BDKRB2: variants seen among roughly 807,000 people sequenced by gnomAD.
BDKRB2 encodes the protein B2 bradykinin receptor.
A neutral mutation model predicts 4.0 loss-of-function variants in BDKRB2; 6 were observed. That is an observed-to-expected ratio of 1.49 (90% confidence interval 0.81 to 2.93). The LOEUF (loss-of-function observed/expected upper bound fraction) is 2.93, where lower values mean the gene tolerates loss of function less well. Ranked by LOEUF, BDKRB2 falls within the 30% of genes most tolerant of loss-of-function variation. BDKRB2 has a pLI of 0.00. For synonymous variants in BDKRB2, 225 were observed against 215.3 expected (o/e 1.05, Z -0.40); for missense variants, 478 against 520.1 (o/e 0.92, Z 0.79).
intron 1 of BDKRB2, among the ~76,000 whole-genome samples, chr14:96,207,807 G>A (rs1026636152): frequency 6.6e-6 from 1 of 151,864 alleles, no homozygotes; most frequent in African/African-American, 2.4e-5. Flanking sequence ...AGATCTGCAT[G>A]TTGTTTTGAG....
At chr14:96,218,460 G>C (rs1284404930) in intron 1 of BDKRB2, among the ~76,000 whole-genome samples, 2 of 152,096 alleles carry the variant, frequency 1.3e-5, no homozygotes, top group Admixed American at 6.5e-5. Flanking sequence ...TGGAATTTGA[G>C]CCTGTTTTGC....
chr14:96,226,132 A>T (rs955685606), intron 1 of BDKRB2, among the ~76,000 whole-genome samples: 1 of 151,902 alleles, frequency 6.6e-6, no homozygotes, highest in Non-Finnish European at 1.5e-5. Flanking sequence ...GAGGGTTTCT[A>T]TTTTTTCCTG....
chr14:96,215,213 A>G (rs1035629092), intron 1 of BDKRB2, among the ~76,000 whole-genome samples: 2 of 152,200 alleles, frequency 1.3e-5, no homozygotes, highest in African/African-American at 4.8e-5. Context: ...ACTTTGTTGT[A>G]TGTACAATTT....
chr14:96,221,992 G>T (rs1200915478), intron 1 of BDKRB2, among the ~76,000 whole-genome samples: 11 of 152,092 alleles, frequency 7.2e-5, no homozygotes, highest in Admixed American at 6.5e-4. Flanking sequence ...TAAGAGCTCA[G>T]TCCCACAAGA....
chr14:96,239,079 G>A (rs1034438268), intron 2 of BDKRB2: 12 of 985,286 alleles, frequency 1.2e-5, no homozygotes, highest in South Asian at 9.4e-5. Flanking sequence ...TATCTCTCCC[G>A]TGACTCGTAG....
chr14:96,221,137 A>G (rs921141942), intron 1 of BDKRB2, among the ~76,000 whole-genome samples: 4 of 152,084 alleles, frequency 2.6e-5, no homozygotes, highest in Admixed American at 2.6e-4. Flanking sequence ...TTTTTATAAA[A>G]TTGGGATAGT....
At chr14:96,234,267 G>T (rs1890883839) in intron 1 of BDKRB2, among the ~76,000 whole-genome samples, 1 of 152,160 alleles carries the variant, frequency 6.6e-6, no homozygotes, top group Admixed American at 6.5e-5. Flanking sequence ...GGCTGGTACG[G>T]CAAAGCCTCA....
chr14:96,220,012 T>C (rs914761672), intron 1 of BDKRB2, among the ~76,000 whole-genome samples: 37 of 152,168 alleles, frequency 2.4e-4, no homozygotes, highest in African/African-American at 8.4e-4. Flanking sequence ...AACTGGTCAC[T>C]GCGAGAGTAT....
At chr14:96,217,374 A>G (rs1890450011) in intron 1 of BDKRB2, among the ~76,000 whole-genome samples, 1 of 152,244 alleles carries the variant, frequency 6.6e-6, no homozygotes, top group Non-Finnish European at 1.5e-5. Context: ...CACAGCTGGA[A>G]GGATTTTACA....
In BDKRB2 at chr14:96,242,854, T is replaced by G. The variant is rs1595267514; in HGVS notation, c.*1350T>G. On this transcript the variant is annotated 3_prime_UTR_variant, in exon 3 of 3. Transcript: ENST00000554311. ...TGTCAATCAATGGTTTATTGGAAGG[T>G]GGCCCAGTATGAGCCCTAGAAGAGT... The G allele has an allele frequency of 6.6e-6, 1 of 152,400 alleles. No individual in the cohort carries two copies. The highest frequency in any genetic ancestry group is 2.4e-5 in the African/African-American group (1 of 41,462). 9.4% of individuals were successfully genotyped at this position (152,400 alleles called of 1,614,324 possible).
intron 1 of BDKRB2, among the ~76,000 whole-genome samples, chr14:96,212,129 C>T (rs980851164): frequency 6.6e-6 from 1 of 152,086 alleles, no homozygotes; most frequent in Non-Finnish European, 1.5e-5. Context: ...TATTCTTTTT[C>T]GCACTCTGAA....
At chr14:96,214,125 G>C (rs963733391) in intron 1 of BDKRB2, among the ~76,000 whole-genome samples, 3 of 152,118 alleles carry the variant, frequency 2.0e-5, no homozygotes, top group East Asian at 1.9e-4. Context: ...GCCCTGTGAC[G>C]GGGGCACCCT....
chr14:96,230,483 C>T (rs1178863286), intron 1 of BDKRB2, among the ~76,000 whole-genome samples: 2 of 152,232 alleles, frequency 1.3e-5, no homozygotes, highest in African/African-American at 4.8e-5. Context: ...CAACCTCTGC[C>T]TCCTGGGTTC....
intron 1 of BDKRB2, chr14:96,223,214 A>G (rs1050139557): frequency 9.3e-5 from 103 of 1,113,044 alleles, no homozygotes; most frequent in Non-Finnish European, 8.8e-5. Flanking sequence ...CCTAAAACCC[A>G]TTTGATGTCT....
At chr14:96,225,546 G>C (rs1288594726) in intron 1 of BDKRB2, among the ~76,000 whole-genome samples, 1 of 152,090 alleles carries the variant, frequency 6.6e-6, no homozygotes, top group African/African-American at 2.4e-5. Flanking sequence ...CGGATGAAAG[G>C]GGCAGGAAAG....
intron 1 of BDKRB2, among the ~76,000 whole-genome samples, chr14:96,234,560 G>T (rs947536368): frequency 3.9e-5 from 6 of 152,182 alleles, no homozygotes; most frequent in Non-Finnish European, 7.4e-5. Context: ...TCCCTGACAG[G>T]GATCCTCACC....
At chr14:96,210,304 T>G (rs1051081070) in intron 1 of BDKRB2, among the ~76,000 whole-genome samples, 1 of 152,200 alleles carries the variant, frequency 6.6e-6, no homozygotes, top group African/African-American at 2.4e-5. Flanking sequence ...CTTTTCCCTT[T>G]GGCTTAGTGC....
intron 1 of BDKRB2, among the ~76,000 whole-genome samples, chr14:96,214,351 C>T (rs955198212): frequency 1.3e-5 from 2 of 152,112 alleles, no homozygotes; most frequent in African/African-American, 2.4e-5. Context: ...AAAGAGGAGG[C>T]GACTGTCATT....
Position 96,241,505 on chromosome 14 carries a change from GC to G in BDKRB2, c.*2del. The G allele has an allele frequency of 6.6e-7, 1 of 1,519,356 alleles. No homozygotes were observed. The highest frequency in any genetic ancestry group is 1.4e-5 in the African/African-American group (1 of 72,482). 94.1% of individuals were successfully genotyped at this position (1,519,356 alleles called of 1,614,324 possible). A position where few individuals can be genotyped will look rare whatever the true frequency, so the allele number is the denominator to read the frequency against. On this transcript the variant is annotated 3_prime_UTR_variant, in exon 3 of 3. Transcript: ENST00000554311. ...GGACTGGGCAGGGAGCAGACAGTGA[GC>G]AAACGCCAGCAGGGCTGCTGTGAAT...
Sources: allele counts gnomAD v4.1 joint callset (sites outside exome capture counted in the v4.1 genomes callset), GRCh38; gene constraint gnomAD v4.1.1; transcripts MANE v1.5; gene names NCBI Gene and HGNC (gene_info 2026-07-23, HGNC 2026-07-21).